MMAA: variants seen among roughly 807,000 people sequenced by gnomAD.
MMAA encodes the protein methylmalonic aciduria type A protein, mitochondrial.
In MMAA, 41 loss-of-function variants were observed where a neutral mutation model predicts 45.0. The ratio of observed to expected loss-of-function variants is 0.91; its 90% CI spans 0.71 to 1.18. The LOEUF is 1.18. MMAA is among the 50% of genes most tolerant of loss of function. The pLI, the probability that MMAA is intolerant of heterozygous loss-of-function variation, is 0.00. For missense variants in MMAA, 460 were observed against 495.7 expected, an observed-to-expected ratio of 0.93 and a Z score of 0.68; for synonymous variants, 154 against 178.2, an observed-to-expected ratio of 0.86 and a Z score of 1.08.
At chr4:145,627,487 T>C (rs1734228262) in intron 1 of MMAA, among the ~76,000 whole-genome samples, 1 of 152,230 alleles carries the variant, frequency 6.6e-6, no homozygotes, top group Admixed American at 6.5e-5. Flanking sequence ...GGAAGGTTAC[T>C]GTGTGCCAGG....
At chr4:145,633,348 C>T (rs1727509973) in intron 1 of MMAA, among the ~76,000 whole-genome samples, 3 of 151,552 alleles carry the variant, frequency 2.0e-5, no homozygotes, top group Middle Eastern at 3.2e-3. Context: ...ACAGTACCCA[C>T]CACCACACCT....
At chr4:145,643,434 T>A (rs548613934) in intron 3 of MMAA, among the ~76,000 whole-genome samples, 1 of 152,280 alleles carries the variant, frequency 6.6e-6, no homozygotes, top group Admixed American at 6.5e-5. Context: ...TTTATGGAAG[T>A]ATTTGGTTTT....
At chr4:145,630,626 G>T (rs757222129) in intron 1 of MMAA, among the ~76,000 whole-genome samples, 4 of 152,170 alleles carry the variant, frequency 2.6e-5, no homozygotes, top group Non-Finnish European at 5.9e-5. Flanking sequence ...TACTTGGGGG[G>T]CTGAGGCAGG....
In MMAA at chr4:145,655,623, C is replaced by T. The variant is rs1388233896; in HGVS notation, c.*189C>T. ...AAAGTTAGGCAGTATTTATAAGGTA[C>T]CTGTTTTATGTTACTGATATCTGTT... is the stretch of plus-strand genomic sequence containing the variant. On this transcript the variant is annotated 3_prime_UTR_variant, in exon 7 of 7. Coordinates refer to ENST00000649156, the MANE Select transcript of MMAA (RefSeq NM_172250.3). 3 of 569,380 alleles carry T rather than the reference C, an allele frequency of 5.3e-6. No individual in the cohort carries two copies. Among genetic ancestry groups the T allele is most frequent in the Non-Finnish European group, 9.1e-6 (3 of 329,756 alleles). 35.3% of individuals were successfully genotyped at this position (569,380 alleles called of 1,614,324 possible). A position where few individuals can be genotyped will look rare whatever the true frequency, so the allele number is the denominator to read the frequency against.
At chr4:145,645,899 T>TCTA (rs1727916043) in intron 3 of MMAA, 87 bp from the exon 4 acceptor site, 3 of 1,260,596 alleles carry the variant, frequency 2.4e-6, no homozygotes, top group Non-Finnish European at 3.4e-6. Context: ...TAGGGAGAAA[T>TCTA]GGCATAAAGC....
At position 145,651,118 on chromosome 4, in the gene MMAA, C is replaced by T; in HGVS notation, c.790C>T (p.Leu264=). The change falls in exon 5 of 7, where the codon CTG becomes TTG. Residue 264 remains leucine, a synonymous_variant. Coordinates refer to ENST00000649156, the MANE Select transcript of MMAA (RefSeq NM_172250.3). The part of the protein sequence containing the change: ...ADMVDMFVLL[L]PPAGGDELQG... Reference sequence around the variant, plus strand: ...CATGGTTGACATGTTTGTTTTACTACTGCCACCAGCAGGAGGAGATGAGCT... The same window carrying T: ...CATGGTTGACATGTTTGTTTTACTATTGCCACCAGCAGGAGGAGATGAGCT... 6.2e-7 allele frequency: 1 copy of T among 1,614,124 alleles called. No homozygotes were observed. The highest frequency in any genetic ancestry group is 1.1e-5 in the South Asian group (1 of 91,080).
chr4:145,624,198 A>T (rs1734148793), intron 1 of MMAA: 5 of 857,544 alleles, frequency 5.8e-6, no homozygotes, highest in Admixed American at 5.1e-5. Context: ...ACTTCTTTTT[A>T]TCAACTTTAA....
chr4:145,659,160 A>C lies in MMAA; in HGVS notation c.*3726A>C, dbSNP rs990512821. 2 of 152,230 alleles carry C rather than the reference A, an allele frequency of 1.3e-5. No homozygotes were observed. The highest frequency in any genetic ancestry group is 2.9e-5 in the Non-Finnish European group (2 of 68,032). 9.4% of individuals were successfully genotyped at this position (152,230 alleles called of 1,614,324 possible). On this transcript the variant is annotated 3_prime_UTR_variant, in exon 7 of 7. Transcript: ENST00000649156. ...AATGTTTTTCTTTCCGTAGTATTTT[A>C]ATTAAAATTTTTAAAATTTTAAAAT...
chr4:145,629,133 T>C (rs926511572), intron 1 of MMAA, among the ~76,000 whole-genome samples: 1 of 152,200 alleles, frequency 6.6e-6, no homozygotes, highest in Admixed American at 6.5e-5. Flanking sequence ...TATATATATA[T>C]TTTTTGTTTT....
intron 3 of MMAA, 73 bp downstream of exon 3, chr4:145,642,558 C>T (rs912465777): frequency 3.1e-6 from 5 of 1,600,348 alleles, no homozygotes; most frequent in Middle Eastern, 1.7e-4. Flanking sequence ...GGAATTGGCA[C>T]AGTTGGGTGA....
Position 145,656,004 on chromosome 4 carries a change from G to A in MMAA, c.*570G>A, listed in dbSNP as rs533580327. 2.0e-5 allele frequency: 3 copies of A among 152,302 alleles called. No individual in the cohort carries two copies. Among genetic ancestry groups the A allele is most frequent in the African/African-American group, 7.2e-5 (3 of 41,560 alleles). The allele number at this position is 152,302 out of a possible 1,614,324, so 9.4% of individuals were successfully genotyped here. A position where few individuals can be genotyped will look rare whatever the true frequency, so the allele number is the denominator to read the frequency against. ...TAAAGTCTGCTTGTCTGGATTTGCA[G>A]GTACCCTTCCGCCACCCCCCAACAT... On this transcript the variant is annotated 3_prime_UTR_variant, in exon 7 of 7. Transcript: ENST00000649156.
intron 1 of MMAA, among the ~76,000 whole-genome samples, chr4:145,628,768 T>C (rs530368238): frequency 6.6e-6 from 1 of 152,188 alleles, no homozygotes; most frequent in Admixed American, 6.5e-5. Context: ...TAGTAACATA[T>C]GCTGTTTTTA....
At chr4:145,647,958 GCC>G (rs1263191270) in intron 4 of MMAA, among the ~76,000 whole-genome samples, 8 of 142,492 alleles carry the variant, frequency 5.6e-5, no homozygotes, top group South Asian at 2.3e-4. Context: ...CCGGGTTCAC[GCC>G]ATTCTCCTAC....
chr4:145,624,822 A>G, intron 1 of MMAA: 2 of 1,606,854 alleles, frequency 1.2e-6, no homozygotes, highest in South Asian at 1.1e-5. Context: ...CACCTCCTCT[A>G]CCTTACATGG....
intron 1 of MMAA, among the ~76,000 whole-genome samples, chr4:145,630,671 T>C (rs1191814061): frequency 6.6e-6 from 1 of 152,104 alleles, no homozygotes; most frequent in Non-Finnish European, 1.5e-5. Context: ...GAGGTTGTGG[T>C]GAGCCGAGAT....
intron 1 of MMAA, among the ~76,000 whole-genome samples, chr4:145,627,737 A>G (rs576436140): frequency 6.6e-6 from 1 of 152,304 alleles, no homozygotes; most frequent in South Asian, 2.1e-4. Context: ...GGCATTTGTC[A>G]GCAAAAATGT....
intron 4 of MMAA, among the ~76,000 whole-genome samples, chr4:145,649,976 A>G (rs1339173435): frequency 2.6e-5 from 4 of 152,206 alleles, no homozygotes; most frequent in Admixed American, 6.5e-5. Flanking sequence ...GGGTCTCACT[A>G]CATCACCCGG....
chr4:145,650,136 TTTG>T (rs1242729208), intron 4 of MMAA, among the ~76,000 whole-genome samples: 1 of 152,248 alleles, frequency 6.6e-6, no homozygotes, highest in Admixed American at 6.5e-5. Flanking sequence ...GTCTTGTTAT[TTTG>T]TTGTTGTTGT....
chr4:145,649,252 C>T (rs1446791452), intron 4 of MMAA, among the ~76,000 whole-genome samples: 15 of 152,226 alleles, frequency 9.9e-5, no homozygotes, highest in Middle Eastern at 3.4e-3. Context: ...GAGCCACGAT[C>T]GTGCCATTGC....
Sources: gnomAD v4.1 joint callset for allele counts (sites outside exome capture counted in the v4.1 genomes callset) on GRCh38, gnomAD v4.1.1 for gene constraint, MANE v1.5 for transcripts, NCBI Gene and HGNC (gene_info 2026-07-23, HGNC 2026-07-21) for gene names.